CDH18: variants seen among roughly 807,000 people sequenced by gnomAD.
CDH18 encodes cadherin 18.
CDH18 carries 31 observed loss-of-function variants against 67.9 expected under a neutral mutation model. That is an observed-to-expected ratio of 0.46 (90% CI 0.34 to 0.62). The LOEUF is 0.62. CDH18 is among the 20% of genes least tolerant of loss of function. The probability of loss-of-function intolerance (pLI) is 0.01; values close to 1 mark genes in which losing one functional copy is unlikely to be tolerated. For missense variants in CDH18, 890 were observed against 975.5 expected (o/e 0.91, Z 1.17); for synonymous variants, 362 against 347.2 (o/e 1.04, Z -0.48).
intron 1 of CDH18, among the ~76,000 whole-genome samples, chr5:20,372,652 T>C (rs1009264702): frequency 8.5e-5 from 13 of 152,324 alleles, no homozygotes; most frequent in Non-Finnish European, 1.8e-4. Context: ...CCTACATATA[T>C]ATATAACATA....
At chr5:20,065,979 T>G (rs1742946680) in intron 2 of CDH18, among the ~76,000 whole-genome samples, 1 of 152,068 alleles carries the variant, frequency 6.6e-6, no homozygotes, top group Admixed American at 6.6e-5. Flanking sequence ...AACTTTAAGA[T>G]GGGACTATTT....
chr5:20,010,104 A>T lies in CDH18; in HGVS notation c.-517-18090T>A, dbSNP rs545279851. ...GAGACTCCAGATATTTCCATACATG[A>T]ATGATGGATTAGTCTATATTATTCT... On this transcript the variant is annotated intron_variant, in intron 2 of 14. Coordinates refer to the CDH18 transcript ENST00000507958. 5.8e-4 allele frequency among the ~76,000 whole-genome samples: 73 copies of T among 126,442 alleles called. No homozygotes were observed. In the East Asian group the frequency reaches 0.017, roughly 29 times the overall value. The allele number at this position is 126,442 out of a possible 152,430, so 83.0% of individuals were successfully genotyped here.
At chr5:20,178,172 A>T (rs1452469214) in intron 2 of CDH18, among the ~76,000 whole-genome samples, 2 of 152,084 alleles carry the variant, frequency 1.3e-5, no homozygotes, top group African/African-American at 4.8e-5. Context: ...GACTTGAATT[A>T]AAACATGGGT....
intron 2 of CDH18, among the ~76,000 whole-genome samples, chr5:20,087,692 C>T (rs779355201): frequency 5.9e-5 from 9 of 151,864 alleles, no homozygotes; most frequent in African/African-American, 1.2e-4. Flanking sequence ...AAAGCATGTA[C>T]GTTTTTTAAA....
intron 2 of CDH18, among the ~76,000 whole-genome samples, chr5:20,199,585 T>C (rs936840564): frequency 6.6e-6 from 1 of 152,148 alleles, no homozygotes. Flanking sequence ...TTTTGGTTAA[T>C]TCTGGAATGA....
intron 2 of CDH18, among the ~76,000 whole-genome samples, chr5:20,175,579 C>T (rs868801860): frequency 5.3e-5 from 8 of 152,050 alleles, no homozygotes; most frequent in African/African-American, 1.7e-4. Flanking sequence ...CCTCTAATTT[C>T]GAGCTGCTTT....
intron 2 of CDH18, among the ~76,000 whole-genome samples, chr5:20,202,089 T>C (rs1301002709): frequency 1.3e-5 from 2 of 152,194 alleles, no homozygotes; most frequent in Non-Finnish European, 2.9e-5. Context: ...ACAATAGACT[T>C]GTACTGCATT....
intron 1 of CDH18, among the ~76,000 whole-genome samples, chr5:20,508,845 T>G (rs537424186): frequency 4.0e-4 from 61 of 152,226 alleles, no homozygotes; most frequent in African/African-American, 1.5e-3. Flanking sequence ...AATTACTATC[T>G]CAATCATTTT....
At chr5:20,572,428 A>G (rs961995307) in intron 1 of CDH18, among the ~76,000 whole-genome samples, 3 of 151,988 alleles carry the variant, frequency 2.0e-5, no homozygotes, top group African/African-American at 7.2e-5. Flanking sequence ...TATTATCTTT[A>G]CATTTGCCTA....
At chr5:19,693,935 G>T (rs1762226467) in intron 5 of CDH18, among the ~76,000 whole-genome samples, 1 of 149,024 alleles carries the variant, frequency 6.7e-6, no homozygotes, top group Non-Finnish European at 1.5e-5. Context: ...GAGGCCTCTA[G>T]ATAATATTAA....
rs181114922 is a variant in CDH18 at position 20,063,383 on chromosome 5, T to C, written c.-517-71369A>G. 4.6e-5 allele frequency among the ~76,000 whole-genome samples: 7 copies of C among 152,236 alleles called. No individual in the cohort carries two copies. The East Asian group carries it at 1.4e-3, about 29-fold the overall frequency. On this transcript the variant is annotated intron_variant, in intron 2 of 14. Transcript: ENST00000507958. Reference sequence around the variant, plus strand: ...TCTTATAAACTCTGCATTTCAAGAATTAACAGTTTTGGGAAATTGTAGGTC... The same window carrying C: ...TCTTATAAACTCTGCATTTCAAGAACTAACAGTTTTGGGAAATTGTAGGTC...
intron 1 of CDH18, among the ~76,000 whole-genome samples, chr5:20,410,094 C>G (rs1746641310): frequency 6.6e-6 from 1 of 151,668 alleles, no homozygotes; most frequent in South Asian, 2.1e-4. Context: ...CTAAACTCTG[C>G]AAAAGAATTG....
At chr5:19,800,948 G>C (rs1777398853) in intron 3 of CDH18, among the ~76,000 whole-genome samples, 1 of 152,090 alleles carries the variant, frequency 6.6e-6, no homozygotes, top group Non-Finnish European at 1.5e-5. Flanking sequence ...GTGAAGCCCA[G>C]TCTTTATTAA....
chr5:19,720,363 C>T (rs923000982), intron 5 of CDH18, among the ~76,000 whole-genome samples: 2 of 152,092 alleles, frequency 1.3e-5, no homozygotes, highest in South Asian at 2.1e-4. Context: ...ATGCATCTTG[C>T]GCTCAAGAAG....
At chr5:19,811,991 G>A (rs1019360136) in intron 3 of CDH18, among the ~76,000 whole-genome samples, 2 of 152,184 alleles carry the variant, frequency 1.3e-5, no homozygotes, top group African/African-American at 4.8e-5. Context: ...ATGTGTGTAA[G>A]TCTAAGCAAG....
chr5:20,384,459 TACC>T (rs889560973), intron 1 of CDH18, among the ~76,000 whole-genome samples: 2 of 152,184 alleles, frequency 1.3e-5, no homozygotes, highest in African/African-American at 4.8e-5. Context: ...TGGGCATATA[TACC>T]ACATTTTCTT....
chr5:20,566,799 ACCATTACG>A (rs1299262544), intron 1 of CDH18, among the ~76,000 whole-genome samples: 1 of 152,112 alleles, frequency 6.6e-6, no homozygotes, highest in Non-Finnish European at 1.5e-5. Context: ...TCTTGTAATC[ACCATTACG>A]AACAAAGAGT....
chr5:19,713,512 A>C (rs552498357), intron 5 of CDH18, among the ~76,000 whole-genome samples: 24 of 152,282 alleles, frequency 1.6e-4, no homozygotes, highest in African/African-American at 5.5e-4. Flanking sequence ...AGAATAGAAC[A>C]CTGATCTATA....
At chr5:20,547,542 CAG>C (rs2126609740) in intron 1 of CDH18, among the ~76,000 whole-genome samples, 1 of 146,082 alleles carries the variant, frequency 6.8e-6, no homozygotes, top group Non-Finnish European at 1.5e-5. Flanking sequence ...GTCTGGGTGA[CAG>C]GGCAAGACTC....
Sources: gnomAD v4.1 joint callset for allele counts (sites outside exome capture counted in the v4.1 genomes callset) on GRCh38, gnomAD v4.1.1 for gene constraint, MANE v1.5 for transcripts, NCBI Gene and HGNC (gene_info 2026-07-23, HGNC 2026-07-21) for gene names.